Variants in TRIO observed in about 807,000 individuals in gnomAD.
TRIO encodes the protein trio Rho guanine nucleotide exchange factor, also known as triple functional domain protein.
Under a neutral mutation model 351.9 loss-of-function variants are expected in TRIO, and 58 were observed. The ratio of observed to expected loss-of-function variants is 0.16; its 90% CI spans 0.13 to 0.21. The LOEUF (loss-of-function observed/expected upper bound fraction) is 0.21. Among genes scored for constraint, TRIO ranks in the 10% least tolerant of loss-of-function variants. TRIO has a pLI of 1.00. For missense variants in TRIO, 3,201 were observed against 4,027.8 expected, an observed-to-expected ratio of 0.79 and a Z score of 5.56; for synonymous variants, 1,758 against 1,595.7, an observed-to-expected ratio of 1.10 and a Z score of -2.42.
chr5:14,279,689 C>T (rs1735825579), intron 2 of TRIO, among the ~76,000 whole-genome samples: 1 of 152,200 alleles, frequency 6.6e-6, no homozygotes, highest in African/African-American at 2.4e-5. Flanking sequence ...GATTTGTACT[C>T]TTAGTGTGTG....
intron 26 of TRIO, 78 bp downstream of exon 26, chr5:14,390,378 T>G: frequency 7.5e-7 from 1 of 1,339,730 alleles, no homozygotes; most frequent in Admixed American, 1.9e-5. Flanking sequence ...GGTCTTCATT[T>G]CCTTTAAGTC....
intron 15 of TRIO, 66 bp from the exon 16 acceptor site, chr5:14,366,794 C>G (rs1164444771): frequency 1.2e-6 from 2 of 1,606,000 alleles, no homozygotes; most frequent in African/African-American, 2.7e-5. Flanking sequence ...TTGTATCTCA[C>G]CCCTGGTGGT....
rs776637146 is a variant in TRIO at position 14,291,040 on chromosome 5, A to G, written c.865A>G (p.Ser289Gly). ...GQKLLQRIQS[S>G]ESFPKKNSGS... Reference sequence around the variant, plus strand: ...GAAGCTGCTTCAGAGGATACAGAGCAGTGAAAGCTTTCCCAAAAAGAACTC... The same window carrying G: ...GAAGCTGCTTCAGAGGATACAGAGCGGTGAAAGCTTTCCCAAAAAGAACTC... The change falls in exon 5 of 57, where the codon AGT (serine) becomes GGT (glycine). Residue 289 changes from serine (S) to glycine (G), a missense_variant. Ser to Gly is a moderately conservative substitution (Grantham distance 56). This residue lies in a region of TRIO where 349 missense variants were observed against 449.3 expected (regional missense o/e 0.78). Transcript: ENST00000344204. 2 of 1,614,218 alleles carry G rather than the reference A, an allele frequency of 1.2e-6. No individual in the cohort carries two copies. The highest frequency in any genetic ancestry group is 1.7e-6 in the Non-Finnish European group (2 of 1,180,030).
intron 33 of TRIO, among the ~76,000 whole-genome samples, chr5:14,411,243 GAC>G (rs1749171854): frequency 6.6e-6 from 1 of 152,126 alleles, no homozygotes; most frequent in Non-Finnish European, 1.5e-5. Flanking sequence ...TTTTACTAAA[GAC>G]ACATCTTTAA....
At chr5:14,502,427 T>C in intron 53 of TRIO, 152 bp from the exon 54 acceptor site, 1 of 639,526 alleles carries the variant, frequency 1.6e-6, no homozygotes, top group Admixed American at 2.6e-5. Context: ...GTGTGTCCTT[T>C]ATGCAGCCAC....
At chr5:14,358,758 C>G (rs1013959831) in intron 12 of TRIO, among the ~76,000 whole-genome samples, 1 of 152,150 alleles carries the variant, frequency 6.6e-6, no homozygotes, top group Non-Finnish European at 1.5e-5. Flanking sequence ...CTGCATGGGG[C>G]GGACACCCAC....
intron 31 of TRIO, among the ~76,000 whole-genome samples, chr5:14,403,297 G>GAGGGTGCAGGTT (rs1748301051): frequency 7.1e-6 from 1 of 141,154 alleles, no homozygotes; most frequent in Non-Finnish European, 1.5e-5. Context: ...AGGTTGTGGT[G>GAGGGTGCAGGTT]GTGAGGGTGT....
chr5:14,161,933 G>A (rs962887488), intron 1 of TRIO, among the ~76,000 whole-genome samples: 1 of 152,156 alleles, frequency 6.6e-6, no homozygotes. Context: ...AGGCCAGGCA[G>A]GTCTCAACCT....
At chr5:14,472,172 T>C (rs1754739933) in intron 38 of TRIO, among the ~76,000 whole-genome samples, 1 of 152,248 alleles carries the variant, frequency 6.6e-6, no homozygotes, top group African/African-American at 2.4e-5. Context: ...TACTTGTGAG[T>C]GATGTGATTA....
Position 14,391,072 on chromosome 5 carries a change from T to A in TRIO, c.4218+82T>A, listed in dbSNP as rs1041043475. On this transcript the variant is annotated intron_variant, in intron 27 of 56. Coordinates refer to ENST00000344204, the MANE Select transcript of TRIO (RefSeq NM_007118.4). ...GGCATTACTCATAACTTTCACCTAA[T>A]TGATAGTACAATGTTTTCATTTTTG... 3.3e-5 allele frequency: 34 copies of A among 1,029,764 alleles called. No homozygotes were observed. In the African/African-American group the frequency reaches 5.5e-4, roughly 17 times the overall value. The allele number at this position is 1,029,764 out of a possible 1,614,324, so 63.8% of individuals were successfully genotyped here.
chr5:14,219,072 A>G (rs42734), intron 1 of TRIO, among the ~76,000 whole-genome samples: 150,481 of 152,312 alleles, frequency 0.99, 74,341 homozygotes, highest in African/African-American at 1. Flanking sequence ...GAACTATGAC[A>G]AGGCTAGTGT....
At chr5:14,439,241 C>T (rs137945992) in intron 34 of TRIO, among the ~76,000 whole-genome samples, 7 of 152,276 alleles carry the variant, frequency 4.6e-5, no homozygotes, top group African/African-American at 1.7e-4. Context: ...GTCTCGAACT[C>T]CTGACCTCAT....
chr5:14,160,819 A>T (rs1038940464), intron 1 of TRIO, among the ~76,000 whole-genome samples: 3 of 152,006 alleles, frequency 2.0e-5, no homozygotes, highest in African/African-American at 7.2e-5. Flanking sequence ...CTCCTTCCCG[A>T]CTCGTCCCTT....
In TRIO at chr5:14,152,741, A is replaced by G. The variant is rs1326764744; in HGVS notation, c.157+8859A>G. Among the ~76,000 whole-genome samples, 3 of 152,208 alleles carry G rather than the reference A, an allele frequency of 2.0e-5. No homozygotes were observed. The East Asian group carries it at 5.8e-4, about 29-fold the overall frequency. On this transcript the variant is annotated intron_variant, in intron 1 of 56. Coordinates refer to ENST00000344204, the MANE Select transcript of TRIO (RefSeq NM_007118.4). ...ACTTACCCTAATATGTCTTGGGTCC[A>G]GGAGCCTGGAGAACGGGTGCTAATT... is the stretch of plus-strand genomic sequence containing the variant.
chr5:14,502,634 C>T lies in TRIO; in HGVS notation c.8388C>T (p.Tyr2796=). The T allele has an allele frequency of 1.9e-6, 3 of 1,614,210 alleles. No individual in the cohort carries two copies. The highest frequency in any genetic ancestry group is 2.5e-6 in the Non-Finnish European group (3 of 1,180,034). ...GGAAAGACAACTTTGACTCCTTCTA[C>T]AGTGAAGTGGCTGAGCTTGGCAGGT... ...VTWKDNFDSF[Y]SEVAELGRGR... Residue 2796 remains tyrosine, a synonymous_variant, in exon 54 of 57, where the codon TAC becomes TAT. Coordinates refer to ENST00000344204, the MANE Select transcript of TRIO (RefSeq NM_007118.4).
At chr5:14,160,438 T>C (rs919119926) in intron 1 of TRIO, among the ~76,000 whole-genome samples, 2 of 152,214 alleles carry the variant, frequency 1.3e-5, no homozygotes, top group African/African-American at 4.8e-5. Flanking sequence ...CACTGTGTAA[T>C]GAATGAGCTG....
chr5:14,235,230 A>AT (rs1390747319), intron 1 of TRIO, among the ~76,000 whole-genome samples: 1 of 152,210 alleles, frequency 6.6e-6, no homozygotes, highest in Non-Finnish European at 1.5e-5. Context: ...TTCTTTTCAG[A>AT]TTTTTTTAAT....
intron 1 of TRIO, among the ~76,000 whole-genome samples, chr5:14,186,350 A>G (rs758504656): frequency 6.6e-6 from 1 of 152,134 alleles, no homozygotes; most frequent in Non-Finnish European, 1.5e-5. Context: ...AACTCCAAAA[A>G]CATGCTTCAA....
intron 34 of TRIO, among the ~76,000 whole-genome samples, chr5:14,450,411 G>A (rs1322628364): frequency 6.6e-6 from 1 of 152,188 alleles, no homozygotes; most frequent in East Asian, 1.9e-4. Flanking sequence ...CACTGAATTT[G>A]TGGGAGGGGC....
Sources: gnomAD v4.1 joint callset for allele counts (sites outside exome capture counted in the v4.1 genomes callset) on GRCh38, gnomAD v4.1.1 for gene constraint, gnomAD v4.1.1 regional missense constraint, MANE v1.5 for transcripts, NCBI Gene and HGNC (gene_info 2026-07-23, HGNC 2026-07-21) for gene names.